Variants in MIPOL1 observed in about 807,000 individuals in gnomAD.
MIPOL1 encodes the protein mirror-image polydactyly 1.
MIPOL1 carries 57 observed loss-of-function variants against 60.9 expected under a neutral mutation model. The observed-to-expected ratio is 0.94, with a 90% CI of 0.76 to 1.17. MIPOL1 has a LOEUF of 1.17. Ranked by LOEUF, MIPOL1 falls within the 50% of genes most tolerant of loss-of-function variation. The probability of loss-of-function intolerance (pLI) is 0.00; values close to 1 mark genes in which losing one functional copy is unlikely to be tolerated. For synonymous variants in MIPOL1, 179 were observed against 168.8 expected, an observed-to-expected ratio of 1.06 and a Z score of -0.47; for missense variants, 551 against 511.6, an observed-to-expected ratio of 1.08 and a Z score of -0.74.
intron 1 of MIPOL1, among the ~76,000 whole-genome samples, chr14:37,246,009 A>G (rs984617039): frequency 1.3e-5 from 2 of 152,146 alleles, no homozygotes; most frequent in Admixed American, 1.3e-4. Flanking sequence ...TACATTTTGA[A>G]ATATGCCTAT....
chr14:37,374,722 T>C (rs1037086285), intron 10 of MIPOL1, among the ~76,000 whole-genome samples: 1 of 152,160 alleles, frequency 6.6e-6, no homozygotes, highest in Admixed American at 6.5e-5. Flanking sequence ...TTCTGAGGCC[T>C]CTGTTCTGTT....
intron 12 of MIPOL1, among the ~76,000 whole-genome samples, chr14:37,501,354 CTGTT>C (rs1275492964): frequency 1.3e-5 from 2 of 152,180 alleles, no homozygotes; most frequent in African/African-American, 4.8e-5. Context: ...TGATTTGGCT[CTGTT>C]TGCTTAAAGT....
chr14:37,310,036 C>T lies in MIPOL1; in HGVS notation c.828+1517C>T, dbSNP rs1595062953. Among the ~76,000 whole-genome samples the T allele has an allele frequency of 2.0e-5, 3 of 152,032 alleles. No homozygotes were observed. In the South Asian group the frequency reaches 6.2e-4, roughly 32 times the overall value. On this transcript the variant is annotated intron_variant, in intron 9 of 12. Coordinates refer to ENST00000684589, the MANE Select transcript of MIPOL1 (RefSeq NM_001388067.1). ...ACTAACTCTTTTCTGTCTCTCAAAC[C>T]CCTTATGTCCTTACTCCCCCACCCC...
intron 11 of MIPOL1, among the ~76,000 whole-genome samples, chr14:37,481,622 A>G (rs868091316): frequency 6.9e-6 from 1 of 145,306 alleles, no homozygotes; most frequent in Admixed American, 6.8e-5. Flanking sequence ...CCGAAACCAC[A>G]TAGCCAAGGG....
chr14:37,371,245 G>A (rs760105364), intron 10 of MIPOL1, among the ~76,000 whole-genome samples: 9 of 151,176 alleles, frequency 6.0e-5, no homozygotes, highest in East Asian at 1.9e-4. Context: ...TCAGCCTCCC[G>A]GGTAGCTGAG....
At chr14:37,449,869 G>C (rs1040699424) in intron 11 of MIPOL1, among the ~76,000 whole-genome samples, 4 of 152,016 alleles carry the variant, frequency 2.6e-5, no homozygotes, top group Admixed American at 1.3e-4. Context: ...CTGGAGTGCA[G>C]TGGTACTGTC....
chr14:37,222,377 C>A (rs1257515512), intron 1 of MIPOL1, among the ~76,000 whole-genome samples: 2 of 150,738 alleles, frequency 1.3e-5, no homozygotes, highest in African/African-American at 4.9e-5. Context: ...CATGCATCAA[C>A]ACACCTGGCT....
intron 1 of MIPOL1, among the ~76,000 whole-genome samples, chr14:37,215,096 A>T (rs1037848514): frequency 1.3e-5 from 2 of 152,118 alleles, no homozygotes; most frequent in African/African-American, 4.8e-5. Context: ...AAAGTGCTAA[A>T]AGTCTCTGAT....
At chr14:37,376,740 C>T (rs539275755) in intron 10 of MIPOL1, among the ~76,000 whole-genome samples, 1 of 152,244 alleles carries the variant, frequency 6.6e-6, no homozygotes, top group South Asian at 2.1e-4. Context: ...TTTCTATAAA[C>T]ACCCATGTGC....
At chr14:37,522,006 C>T (rs1229241455) in intron 12 of MIPOL1, among the ~76,000 whole-genome samples, 1 of 150,752 alleles carries the variant, frequency 6.6e-6, no homozygotes, top group Non-Finnish European at 1.5e-5. Context: ...AAAATTTTTA[C>T]ATGATGCTTT....
chr14:37,292,155 G>A (rs2153417697), intron 7 of MIPOL1, among the ~76,000 whole-genome samples: 1 of 151,930 alleles, frequency 6.6e-6, no homozygotes, highest in South Asian at 2.1e-4. Flanking sequence ...TCTATCTCTG[G>A]ACCTCATGAT....
chr14:37,544,558 G>C (rs1013602275), intron 12 of MIPOL1, among the ~76,000 whole-genome samples: 2 of 152,202 alleles, frequency 1.3e-5, no homozygotes, highest in Non-Finnish European at 2.9e-5. Flanking sequence ...AGTAAGAATA[G>C]CCTGCAGGCA....
intron 1 of MIPOL1, among the ~76,000 whole-genome samples, chr14:37,232,408 T>C (rs1970772498): frequency 2.6e-5 from 4 of 152,196 alleles, no homozygotes. Flanking sequence ...CTTTTTATAA[T>C]TTGTCTCACA....
At position 37,308,408 on chromosome 14, in the gene MIPOL1, G is replaced by A; in HGVS notation, c.717G>A (p.Lys239=). The A allele has an allele frequency of 1.2e-6, 2 of 1,604,774 alleles. No homozygotes were observed. Among genetic ancestry groups the A allele is most frequent in the Non-Finnish European group, 1.7e-6 (2 of 1,176,514 alleles). The part of the protein sequence containing the change: ...NNADTGIAIQ[K]NGAIIVDRIY... ...CAGACACAGGGATAGCTATTCAGAA[G>A]AATGGAGCTATAATTGTGGATAGAA... The change falls in exon 9 of 13, where the codon AAG becomes AAA. Residue 239 remains lysine (K), a synonymous_variant. Coordinates refer to ENST00000684589, the MANE Select transcript of MIPOL1 (RefSeq NM_001388067.1).
chr14:37,531,134 A>G (rs2095476736), intron 12 of MIPOL1, among the ~76,000 whole-genome samples: 1 of 152,032 alleles, frequency 6.6e-6, no homozygotes, highest in Admixed American at 6.6e-5. Context: ...AATTATACTA[A>G]TTATTTTGTT....
At chr14:37,452,757 C>G (rs1388389786) in intron 11 of MIPOL1, among the ~76,000 whole-genome samples, 1 of 152,154 alleles carries the variant, frequency 6.6e-6, no homozygotes, top group Non-Finnish European at 1.5e-5. Context: ...GGCATATTAT[C>G]AAGTTGACGT....
At chr14:37,538,988 G>C (rs2095518668) in intron 12 of MIPOL1, among the ~76,000 whole-genome samples, 1 of 152,096 alleles carries the variant, frequency 6.6e-6, no homozygotes, top group South Asian at 2.1e-4. Context: ...GGATCACGAG[G>C]TCAGGAGATC....
intron 11 of MIPOL1, among the ~76,000 whole-genome samples, chr14:37,478,201 G>A (rs1208435836): frequency 6.6e-6 from 1 of 152,110 alleles, no homozygotes; most frequent in Non-Finnish European, 1.5e-5. Flanking sequence ...AGCTAAAAAT[G>A]AAGACCTCAA....
At chr14:37,295,716 C>A (rs185635615) in intron 7 of MIPOL1, among the ~76,000 whole-genome samples, 2 of 152,096 alleles carry the variant, frequency 1.3e-5, no homozygotes, top group Admixed American at 1.3e-4. Flanking sequence ...AAGGCCATTG[C>A]ATAATGGTAA....
Sources: gnomAD v4.1 joint callset for allele counts (sites outside exome capture counted in the v4.1 genomes callset) on GRCh38, gnomAD v4.1.1 for gene constraint, MANE v1.5 for transcripts, NCBI Gene and HGNC (gene_info 2026-07-23, HGNC 2026-07-21) for gene names.